The following C9orf153 variants were observed in gnomAD, a reference collection of about 807,000 sequenced individuals.
C9orf153 encodes chromosome 9 open reading frame 153.
In C9orf153, 10 loss-of-function variants were observed where a neutral mutation model predicts 9.0. The observed-to-expected ratio is 1.11, with a 90% CI of 0.69 to 1.89. The LOEUF (loss-of-function observed/expected upper bound fraction) is 1.89, where lower values mean the gene tolerates loss of function less well. Ranked by LOEUF, C9orf153 falls within the 40% of genes most tolerant of loss-of-function variation. The probability of loss-of-function intolerance (pLI) is 0.00; values close to 1 mark genes in which losing one functional copy is unlikely to be tolerated. For missense variants in C9orf153, 108 were observed against 111.0 expected, an observed-to-expected ratio of 0.97 and a Z score of 0.12; for synonymous variants, 35 against 37.3, an observed-to-expected ratio of 0.94 and a Z score of 0.23.
At position 86,221,532 on chromosome 9, in the gene C9orf153, TG is replaced by T; in HGVS notation, c.*155del. On this transcript the variant is annotated 3_prime_UTR_variant, in exon 4 of 4. Coordinates refer to ENST00000339137, the MANE Select transcript of C9orf153 (RefSeq NM_001276366.4). ...TTTAAGAGAATAACTTCCTTCATTT[TG>T]ATAATCAATTTGAGGATAAATGACC... The T allele has an allele frequency of 1.5e-6, 2 of 1,356,578 alleles. No homozygotes were observed. Among genetic ancestry groups the T allele is most frequent in the Non-Finnish European group, 1.9e-6 (2 of 1,054,202 alleles). The allele number at this position is 1,356,578 out of a possible 1,614,324, so 84.0% of individuals were successfully genotyped here.
rs76816990 is a variant in C9orf153, at chr9:86,251,777, C to T, written c.-27+7773G>A. Reference sequence around the variant, plus strand: ...AAAACTGATTATAATTGAATGGATCCGTTTATCAGGTTTTATTAGTTTTAG... The same window carrying T: ...AAAACTGATTATAATTGAATGGATCTGTTTATCAGGTTTTATTAGTTTTAG... On this transcript the variant is annotated intron_variant, in intron 1 of 3. Coordinates refer to ENST00000339137, the MANE Select transcript of C9orf153 (RefSeq NM_001276366.4). 7.3e-3 allele frequency among the ~76,000 whole-genome samples: 1,115 copies of T among 152,070 alleles called. 14 individuals carry two copies. The highest frequency in any genetic ancestry group is 0.026 in the African/African-American group (1,058 of 41,480).
chr9:86,232,618 A>G (rs1382817685), intron 1 of C9orf153, among the ~76,000 whole-genome samples: 3 of 151,800 alleles, frequency 2.0e-5, no homozygotes, highest in Non-Finnish European at 4.4e-5. Flanking sequence ...CTCACCCCCA[A>G]CTTTTCACCC....
intron 3 of C9orf153, chr9:86,227,399 G>A (rs759041929): frequency 1.7e-5 from 25 of 1,500,768 alleles, no homozygotes; most frequent in Non-Finnish European, 1.4e-5. Context: ...TATTGACACT[G>A]TATAAAGCAA....
chr9:86,254,633 TTC>T (rs1825071191), intron 1 of C9orf153, among the ~76,000 whole-genome samples: 2 of 152,226 alleles, frequency 1.3e-5, no homozygotes, highest in Admixed American at 1.3e-4. Context: ...TCTGTTTTTC[TTC>T]TGTTTCCATA....
intron 1 of C9orf153, among the ~76,000 whole-genome samples, chr9:86,253,124 T>C (rs1825031568): frequency 6.6e-6 from 1 of 152,224 alleles, no homozygotes; most frequent in African/African-American, 2.4e-5. Context: ...GGCATTACAG[T>C]TATTTGCAAA....
At chr9:86,226,549 A>G (rs1824338252) in intron 3 of C9orf153, among the ~76,000 whole-genome samples, 1 of 152,084 alleles carries the variant, frequency 6.6e-6, no homozygotes, top group South Asian at 2.1e-4. Context: ...ACTACTTTTA[A>G]TATAAAAATG....
chr9:86,227,698 A>G lies in C9orf153; in HGVS notation c.242+157T>C, dbSNP rs562057980. The G allele has an allele frequency of 4.1e-5, 40 of 985,260 alleles. No individual in the cohort carries two copies. In the South Asian group the frequency reaches 1.6e-3, roughly 39 times the overall value. The allele number at this position is 985,260 out of a possible 1,614,324, so 61.0% of individuals were successfully genotyped here. On this transcript the variant is annotated intron_variant, in intron 3 of 3. Transcript: ENST00000339137. ...CATTCGAGTGATCGGTGAGAATTTC[A>G]TAAGGAAAAGTGTGCTTGGGAGGGG...
chr9:86,248,946 A>G (rs1176333455), intron 1 of C9orf153, among the ~76,000 whole-genome samples: 1 of 152,210 alleles, frequency 6.6e-6, no homozygotes, highest in Non-Finnish European at 1.5e-5. Flanking sequence ...CAAGTCTGCC[A>G]CGCCAGCAAC....
At chr9:86,222,696 G>GAAAAC (rs1356793970) in intron 3 of C9orf153, among the ~76,000 whole-genome samples, 2 of 152,088 alleles carry the variant, frequency 1.3e-5, no homozygotes, top group Non-Finnish European at 2.9e-5. Flanking sequence ...AAATAACGCT[G>GAAAAC]AAAACAACAA....
chr9:86,246,566 A>AT (rs962095227), intron 1 of C9orf153, among the ~76,000 whole-genome samples: 1 of 152,110 alleles, frequency 6.6e-6, no homozygotes, highest in Admixed American at 6.6e-5. Context: ...ACATGAAATA[A>AT]TTTTTTTTAA....
chr9:86,224,751 C>A (rs1824281009), intron 3 of C9orf153, among the ~76,000 whole-genome samples: 2 of 147,448 alleles, frequency 1.4e-5, no homozygotes, highest in South Asian at 4.4e-4. Context: ...TACGGTAAAA[C>A]CCCGTCTCTA....
chr9:86,230,043 A>G (rs75759636), intron 1 of C9orf153, among the ~76,000 whole-genome samples: 30,465 of 152,098 alleles, frequency 0.2, 3,704 homozygotes, highest in East Asian at 0.38. Context: ...ATCCTCCCCC[A>G]TGATCCAGTC....
At chr9:86,249,523 G>A (rs1286312941) in intron 1 of C9orf153, among the ~76,000 whole-genome samples, 2 of 151,256 alleles carry the variant, frequency 1.3e-5, no homozygotes, top group African/African-American at 4.9e-5. Flanking sequence ...TCAAACGGTA[G>A]AGGCCAAAGG....
At chr9:86,230,380 C>T (rs557366889) in intron 1 of C9orf153, among the ~76,000 whole-genome samples, 1 of 152,340 alleles carries the variant, frequency 6.6e-6, no homozygotes, top group East Asian at 1.9e-4. Context: ...TGGCTCACTG[C>T]AACCTCTGCA....
chr9:86,250,240 A>G (rs1002866043), intron 1 of C9orf153, among the ~76,000 whole-genome samples: 1 of 152,170 alleles, frequency 6.6e-6, no homozygotes, highest in African/African-American at 2.4e-5. Context: ...GTCTTTCTTC[A>G]TGTGATATGA....
intron 3 of C9orf153, among the ~76,000 whole-genome samples, chr9:86,223,744 C>T (rs1024464367): frequency 6.6e-6 from 1 of 152,184 alleles, no homozygotes; most frequent in Non-Finnish European, 1.5e-5. Flanking sequence ...GCTCTTCATC[C>T]TATCCCACCT....
At position 86,255,629 on chromosome 9, in the gene C9orf153, C is replaced by T. The variant is rs1825106427; in HGVS notation, c.-27+3921G>A. On this transcript the variant is annotated intron_variant, in intron 1 of 3. Coordinates refer to ENST00000339137, the MANE Select transcript of C9orf153 (RefSeq NM_001276366.4). ...ACCATAACCTGATTTACCACCATAA[C>T]TTGTTTTGGGCCATTCTCTGAGCTC... 2.6e-5 allele frequency among the ~76,000 whole-genome samples: 4 copies of T among 152,212 alleles called. No homozygotes were observed. In the South Asian group the frequency reaches 8.3e-4, roughly 32 times the overall value.
chr9:86,244,801 T>C (rs374668730), intron 1 of C9orf153, among the ~76,000 whole-genome samples: 5 of 152,132 alleles, frequency 3.3e-5, no homozygotes, highest in East Asian at 3.9e-4. Context: ...TGTTTAGCAT[T>C]CTCCTCCTTT....
intron 3 of C9orf153, among the ~76,000 whole-genome samples, chr9:86,226,827 C>T (rs182201497): frequency 9.7e-4 from 148 of 152,176 alleles, no homozygotes; most frequent in Non-Finnish European, 8.1e-4. Context: ...CACAATGGTG[C>T]GATCTCTGCT....
Sources: gnomAD v4.1 joint callset for allele counts (sites outside exome capture counted in the v4.1 genomes callset) on GRCh38, gnomAD v4.1.1 for gene constraint, MANE v1.5 for transcripts, NCBI Gene and HGNC (gene_info 2026-07-23, HGNC 2026-07-21) for gene names.